Variants in KCNIP4 observed in about 807,000 individuals in gnomAD.
KCNIP4 encodes Kv channel-interacting protein 4.
In KCNIP4, 12 loss-of-function variants were observed where a neutral mutation model predicts 34.0. The observed-to-expected ratio is 0.35, with a 90% CI of 0.23 to 0.57. The LOEUF is 0.57. Among genes scored for constraint, KCNIP4 ranks in the 20% least tolerant of loss-of-function variants. The pLI, the probability that KCNIP4 is intolerant of heterozygous loss-of-function variation, is 0.83. For synonymous variants in KCNIP4, 124 were observed against 102.2 expected (o/e 1.21, Z -1.29); for missense variants, 238 against 311.7 (o/e 0.76, Z 1.78).
chr4:21,079,873 A>G (rs985615951), intron 1 of KCNIP4, among the ~76,000 whole-genome samples: 7 of 151,768 alleles, frequency 4.6e-5, no homozygotes, highest in African/African-American at 1.7e-4. Flanking sequence ...AAGCACCCAC[A>G]AGCCAAGTGA....
chr4:20,986,532 C>G (rs1284236458), intron 1 of KCNIP4, among the ~76,000 whole-genome samples: 3 of 152,048 alleles, frequency 2.0e-5, no homozygotes, highest in Non-Finnish European at 4.4e-5. Flanking sequence ...TAAATGTAAA[C>G]ATGTCTTTTA....
intron 1 of KCNIP4, among the ~76,000 whole-genome samples, chr4:21,239,536 AC>A (rs2109045425): frequency 6.6e-6 from 1 of 152,320 alleles, no homozygotes; most frequent in South Asian, 2.1e-4. Context: ...CAAGAAAAAA[AC>A]AAACAACCCC....
At chr4:21,342,363 G>GA (rs950926555) in intron 1 of KCNIP4, among the ~76,000 whole-genome samples, 1 of 151,980 alleles carries the variant, frequency 6.6e-6, no homozygotes, top group Non-Finnish European at 1.5e-5. Context: ...TACAGCATAG[G>GA]AAAAAAAGTT....
At chr4:21,299,545 CTTTACAG>C (rs1192176466) in intron 1 of KCNIP4, among the ~76,000 whole-genome samples, 4 of 152,082 alleles carry the variant, frequency 2.6e-5, no homozygotes, top group Non-Finnish European at 5.9e-5. Flanking sequence ...CTTTCTTAAA[CTTTACAG>C]TTTACAAAGA....
chr4:21,021,859 CGTATAGTATAGTATA>C (rs148164124), intron 1 of KCNIP4, among the ~76,000 whole-genome samples: 3,511 of 145,902 alleles, frequency 0.024, 42 homozygotes, highest in South Asian at 0.065. Flanking sequence ...AGTATAGTAT[CGTATAGTATAGTATA>C]GTATAGTATA....
chr4:21,792,108 G>A (rs1452834872), intron 1 of KCNIP4, among the ~76,000 whole-genome samples: 2 of 151,232 alleles, frequency 1.3e-5, no homozygotes, highest in Admixed American at 1.3e-4. Context: ...GTGGTGGGAA[G>A]GGTTGGCTTG....
chr4:21,291,500 A>G (rs1763459937), intron 1 of KCNIP4, among the ~76,000 whole-genome samples: 1 of 152,116 alleles, frequency 6.6e-6, no homozygotes, highest in African/African-American at 2.4e-5. Flanking sequence ...AGCTAATAAG[A>G]GATGATTTAC....
At chr4:21,499,203 C>A (rs377604649) in intron 1 of KCNIP4, among the ~76,000 whole-genome samples, 1 of 151,726 alleles carries the variant, frequency 6.6e-6, no homozygotes, top group Non-Finnish European at 1.5e-5. Context: ...TGGTGGCATG[C>A]GCCTGTAATC....
chr4:20,729,969 A>G lies in KCNIP4; in HGVS notation c.*113T>C, dbSNP rs567500147. ...TTATATTAAAACAAAGCTTGTTTGC[A>G]TAATATGCTTCAGTGTCAAGCTGAG... On this transcript the variant is annotated 3_prime_UTR_variant, in exon 9 of 9. Coordinates refer to ENST00000382152, the MANE Select transcript of KCNIP4 (RefSeq NM_025221.6). 1 of 1,254,612 alleles carries G rather than the reference A, an allele frequency of 8.0e-7. No individual in the cohort carries two copies. The highest frequency in any genetic ancestry group is 2.8e-5 in the Admixed American group (1 of 36,084). The allele number at this position is 1,254,612 out of a possible 1,614,324, so 77.7% of individuals were successfully genotyped here. A position where few individuals can be genotyped will look rare whatever the true frequency, so the allele number is the denominator to read the frequency against.
chr4:20,883,460 G>C (rs569387761), intron 1 of KCNIP4, among the ~76,000 whole-genome samples: 4 of 152,058 alleles, frequency 2.6e-5, no homozygotes, highest in African/African-American at 9.7e-5. Context: ...GTGGCTGGAC[G>C]GGTGAGCTTG....
intron 1 of KCNIP4, among the ~76,000 whole-genome samples, chr4:21,181,415 A>C (rs1754831134): frequency 6.6e-6 from 1 of 152,070 alleles, no homozygotes; most frequent in African/African-American, 2.4e-5. Context: ...ACATTACCTT[A>C]CCGGGTTTGA....
chr4:21,590,817 T>C (rs1285339542), intron 1 of KCNIP4, among the ~76,000 whole-genome samples: 1 of 151,970 alleles, frequency 6.6e-6, no homozygotes, highest in Admixed American at 6.6e-5. Flanking sequence ...GCTATGCTTA[T>C]AGACAAAACT....
intron 1 of KCNIP4, among the ~76,000 whole-genome samples, chr4:20,883,084 T>C (rs1724900210): frequency 1.3e-5 from 2 of 150,504 alleles, no homozygotes; most frequent in South Asian, 2.1e-4. Context: ...GGATTGAAAT[T>C]TCAATATTCA....
chr4:21,370,693 G>T, intron 1 of KCNIP4, among the ~76,000 whole-genome samples: 1 of 138,750 alleles, frequency 7.2e-6, no homozygotes, highest in East Asian at 2.2e-4. Context: ...AGCCATTTGG[G>T]ATATCTAGCA....
At chr4:21,032,918 C>G (rs1167852776) in intron 1 of KCNIP4, among the ~76,000 whole-genome samples, 1 of 152,100 alleles carries the variant, frequency 6.6e-6, no homozygotes, top group African/African-American at 2.4e-5. Context: ...ACCTCCCTAC[C>G]TGTGAGGGAG....
At chr4:21,865,629 C>T (rs112628700) in intron 1 of KCNIP4, among the ~76,000 whole-genome samples, 2 of 150,862 alleles carry the variant, frequency 1.3e-5, no homozygotes, top group African/African-American at 4.9e-5. Flanking sequence ...CTGCAACCTC[C>T]GCCTCCCGGG....
At chr4:21,272,942 T>C (rs571643594) in intron 1 of KCNIP4, among the ~76,000 whole-genome samples, 21 of 152,264 alleles carry the variant, frequency 1.4e-4, no homozygotes, top group Admixed American at 3.3e-4. Context: ...ATCAGTATCG[T>C]CTTTGTTGAG....
chr4:20,943,366 G>A (rs527373520), intron 1 of KCNIP4, among the ~76,000 whole-genome samples: 5 of 152,288 alleles, frequency 3.3e-5, no homozygotes, highest in African/African-American at 1.2e-4. Context: ...TATGAAGGTT[G>A]AGCATCTATT....
intron 1 of KCNIP4, among the ~76,000 whole-genome samples, chr4:21,298,410 T>C (rs1763967179): frequency 6.6e-6 from 1 of 152,162 alleles, no homozygotes; most frequent in African/African-American, 2.4e-5. Flanking sequence ...CCTTCATCCA[T>C]GCTTCAGTCA....
Sources: allele counts gnomAD v4.1 joint callset (sites outside exome capture counted in the v4.1 genomes callset), GRCh38; gene constraint gnomAD v4.1.1; transcripts MANE v1.5; gene names NCBI Gene and HGNC (gene_info 2026-07-23, HGNC 2026-07-21).